Variants in PIP5K1A observed in about 807,000 individuals in gnomAD.
PIP5K1A encodes phosphatidylinositol-4-phosphate 5-kinase type 1 alpha.
PIP5K1A carries 46 observed loss-of-function variants against 72.9 expected under a neutral mutation model. That is an observed-to-expected ratio of 0.63 (90% confidence interval 0.50 to 0.81). The LOEUF is 0.81. PIP5K1A is among the 30% of genes least tolerant of loss of function. The pLI is 0.00. For synonymous variants in PIP5K1A, 228 were observed against 255.1 expected, an observed-to-expected ratio of 0.89 and a Z score of 1.01; for missense variants, 458 against 706.1, an observed-to-expected ratio of 0.65 and a Z score of 3.98.
intron 1 of PIP5K1A, among the ~76,000 whole-genome samples, chr1:151,214,042 AATTGT>A: frequency 6.6e-6 from 1 of 152,266 alleles, no homozygotes; most frequent in South Asian, 2.1e-4. Flanking sequence ...TTTTATAAAA[AATTGT>A]ATTATATAAT....
chr1:151,230,291 C>T (rs1018393453), intron 4 of PIP5K1A, among the ~76,000 whole-genome samples: 1 of 152,066 alleles, frequency 6.6e-6, no homozygotes, highest in Non-Finnish European at 1.5e-5. Context: ...AGTAGTAAGA[C>T]TGAGAAAATG....
At chr1:151,206,758 G>T (rs972966600) in intron 1 of PIP5K1A, among the ~76,000 whole-genome samples, 1 of 152,080 alleles carries the variant, frequency 6.6e-6, no homozygotes, top group Non-Finnish European at 1.5e-5. Flanking sequence ...TAGAGACAGG[G>T]TTTCACCATG....
At chr1:151,209,055 T>C (rs1045707610) in intron 1 of PIP5K1A, among the ~76,000 whole-genome samples, 5 of 147,300 alleles carry the variant, frequency 3.4e-5, no homozygotes, top group African/African-American at 1.2e-4. Flanking sequence ...TTGAACACAC[T>C]TCCTTAGAGC....
chr1:151,234,589 C>T (rs1690583738), intron 8 of PIP5K1A, 93 bp downstream of exon 8: 2 of 947,526 alleles, frequency 2.1e-6, no homozygotes, highest in Non-Finnish European at 1.7e-6. Context: ...AACTCTGTTC[C>T]TTAGCACTGT....
chr1:151,204,797 A>T (rs942324341), intron 1 of PIP5K1A, among the ~76,000 whole-genome samples: 5 of 152,092 alleles, frequency 3.3e-5, no homozygotes, highest in African/African-American at 1.2e-4. Flanking sequence ...ATTGCTTCTG[A>T]TCGATTTATT....
At chr1:151,244,112 C>T (rs1267455115) in intron 14 of PIP5K1A, among the ~76,000 whole-genome samples, 2 of 146,508 alleles carry the variant, frequency 1.4e-5, no homozygotes, top group African/African-American at 2.5e-5. Flanking sequence ...CAGTTTGAGA[C>T]CAGCCTGGTC....
At position 151,232,557 on chromosome 1, in the gene PIP5K1A, C is replaced by G; in HGVS notation, c.493C>G (p.Leu165Val). 1 of 1,603,798 alleles carries G rather than the reference C, an allele frequency of 6.2e-7. No homozygotes were observed. The highest frequency in any genetic ancestry group is 8.5e-7 in the Non-Finnish European group (1 of 1,176,486). ...GIRPDDYLYS[L>V]CSEPLIELCS... Reference sequence around the variant, plus strand: ...TCTTCTCTGTTTGCCCCAGTATTCCCTCTGCAGTGAGCCGCTGATTGAACT... The same window carrying G: ...TCTTCTCTGTTTGCCCCAGTATTCCGTCTGCAGTGAGCCGCTGATTGAACT... Residue 165 changes from leucine (L) to valine (V), a missense_variant, in exon 7 of 16, where the codon CTC becomes GTC. By Grantham distance (32) the Leu-to-Val change is conservative. Around this residue, in one of 3 missense-constraint regions of PIP5K1A, gnomAD observed 220 missense variants for 442.6 expected, o/e 0.50. Coordinates refer to ENST00000368888, the MANE Select transcript of PIP5K1A (RefSeq NM_001135638.2).
At chr1:151,245,980 C>T (rs1243860803) in intron 14 of PIP5K1A, among the ~76,000 whole-genome samples, 2 of 152,168 alleles carry the variant, frequency 1.3e-5, no homozygotes, top group African/African-American at 2.4e-5. Context: ...GGTGTGGTGG[C>T]TCACACCTAT....
In PIP5K1A at chr1:151,239,255, ATTTTTTCTTTTTTC is replaced by A. The variant is rs765778985; in HGVS notation, c.1278+91_1278+104del. 9.6e-6 allele frequency: 9 copies of A among 939,616 alleles called. No individual in the cohort carries two copies. The South Asian group carries it at 1.1e-4, about 11-fold the overall frequency. 58.2% of individuals were successfully genotyped at this position (939,616 alleles called of 1,614,324 possible). ...TTCTGATTGGCCTCAGTTTCTTGCAATTTTTTCTTTTTTCTTTTTTCTTTTTTTTTTTTTTGAGA... is the reference window on the plus strand; with the variant it reads ...TTCTGATTGGCCTCAGTTTCTTGCAATTTTTTCTTTTTTTTTTTTTTGAGA... On this transcript the variant is annotated intron_variant, in intron 11 of 15. Transcript: ENST00000368888.
intron 9 of PIP5K1A, 35 bp downstream of exon 9, chr1:151,236,798 T>C (rs1189475765): frequency 2.6e-6 from 3 of 1,165,902 alleles, no homozygotes; most frequent in Non-Finnish European, 2.5e-6. Context: ...GGGGAGAACA[T>C]AGGCCCACAG....
chr1:151,199,515 G>A (rs1416590308), intron 1 of PIP5K1A, among the ~76,000 whole-genome samples: 1 of 151,964 alleles, frequency 6.6e-6, no homozygotes, highest in Non-Finnish European at 1.5e-5. Context: ...TTGGGAGGCT[G>A]AGGCAGGATA....
intron 14 of PIP5K1A, among the ~76,000 whole-genome samples, chr1:151,246,494 CAAG>C (rs1692533076): frequency 2.0e-5 from 3 of 151,952 alleles, no homozygotes; most frequent in African/African-American, 4.8e-5. Context: ...AGCATGAGTC[CAAG>C]AAGAAGATAC....
intron 5 of PIP5K1A, 97 bp from the exon 6 acceptor site, chr1:151,232,151 T>C: frequency 1.2e-6 from 1 of 808,348 alleles, no homozygotes. Context: ...ATTCCCCCAC[T>C]CCCCCCACCA....
chr1:151,207,162 G>A (rs949071694), intron 1 of PIP5K1A, among the ~76,000 whole-genome samples: 4 of 152,102 alleles, frequency 2.6e-5, no homozygotes, highest in African/African-American at 7.2e-5. Context: ...GAGCCACCGC[G>A]CCTGGTCTGA....
chr1:151,234,518 C>G (rs1690571235), intron 8 of PIP5K1A, 22 bp downstream of exon 8: 1 of 1,598,754 alleles, frequency 6.3e-7, no homozygotes, highest in Non-Finnish European at 8.6e-7. Context: ...ACTTAGACAT[C>G]AAAAATCTCA....
rs71237867 is a variant in PIP5K1A, at chr1:151,219,851, C to CTTTTTT, written c.86-4379_86-4374dup. On this transcript the variant is annotated intron_variant, in intron 1 of 15. Coordinates refer to ENST00000368888, the MANE Select transcript of PIP5K1A (RefSeq NM_001135638.2). Reference sequence around the variant, plus strand: ...AAACCCTGTCCTTACATATTCTTTCCTTTTTTTTTTTTTTTTTTTTGCCGA... The same window carrying CTTTTTT: ...AAACCCTGTCCTTACATATTCTTTCCTTTTTTTTTTTTTTTTTTTTTTTTTTGCCGA... Among the ~76,000 whole-genome samples the CTTTTTT allele has an allele frequency of 9.8e-4, 97 of 98,706 alleles. 2 individuals carry two copies. The highest frequency in any genetic ancestry group is 1.6e-3 in the Non-Finnish European group (85 of 53,794). 64.8% of individuals were successfully genotyped at this position (98,706 alleles called of 152,430 possible). A position where few individuals can be genotyped will look rare whatever the true frequency, so the allele number is the denominator to read the frequency against.
At chr1:151,220,299 C>T (rs879820018) in intron 1 of PIP5K1A, among the ~76,000 whole-genome samples, 7 of 151,514 alleles carry the variant, frequency 4.6e-5, no homozygotes, top group Admixed American at 1.3e-4. Context: ...CCACCGCACC[C>T]GGCTTGCCTG....
chr1:151,211,657 G>A (rs961623290), intron 1 of PIP5K1A, among the ~76,000 whole-genome samples: 4 of 147,024 alleles, frequency 2.7e-5, no homozygotes, highest in South Asian at 2.2e-4. Context: ...TTAGCCGGGC[G>A]TTGTGGCGGG....
chr1:151,210,018 G>A (rs1686568355), intron 1 of PIP5K1A, among the ~76,000 whole-genome samples: 1 of 151,688 alleles, frequency 6.6e-6, no homozygotes, highest in Admixed American at 6.6e-5. Flanking sequence ...CGAGTAGCTG[G>A]GATTATAGGT....
Sources: gnomAD v4.1 joint callset for allele counts (sites outside exome capture counted in the v4.1 genomes callset) on GRCh38, gnomAD v4.1.1 for gene constraint, gnomAD v4.1.1 regional missense constraint, MANE v1.5 for transcripts, NCBI Gene and HGNC (gene_info 2026-07-23, HGNC 2026-07-21) for gene names.